The following SLCO1A2 variants were observed in gnomAD, a reference collection of about 807,000 sequenced individuals.
The protein encoded by SLCO1A2 is OATP-1.
A neutral mutation model predicts 69.0 loss-of-function variants in SLCO1A2; 67 were observed. That is an observed-to-expected ratio of 0.97 (90% confidence interval 0.80 to 1.19). The LOEUF is 1.19. Among genes scored for constraint, SLCO1A2 ranks in the 50% most tolerant of loss-of-function variants. The probability of loss-of-function intolerance (pLI) is 0.00; values close to 1 mark genes in which losing one functional copy is unlikely to be tolerated. For synonymous variants in SLCO1A2, 260 were observed against 265.9 expected (o/e 0.98, Z 0.22); for missense variants, 787 against 793.7 (o/e 0.99, Z 0.10).
intron 12 of SLCO1A2, among the ~76,000 whole-genome samples, chr12:21,290,065 A>ATG (rs2136287920): frequency 6.6e-6 from 1 of 151,516 alleles, no homozygotes; most frequent in African/African-American, 2.4e-5. Flanking sequence ...GTATGTACAT[A>ATG]TGTGTGTGTG....
rs781162887 is a variant in SLCO1A2, at chr12:21,378,225, C to T, written c.-189-3700G>A. 4.3e-6 allele frequency: 7 copies of T among 1,613,060 alleles called. No homozygotes were observed. The African/African-American group carries it at 9.3e-5, about 22-fold the overall frequency. On this transcript the variant is annotated intron_variant, in intron 1 of 15. Coordinates refer to the SLCO1A2 transcript ENST00000307378. ...AAGGCTCTAACTTTTCACATTTGTT[C>T]CATGTTACCAGTCATCAGGTGGAAA... is the stretch of plus-strand genomic sequence containing the variant.
At chr12:21,385,994 T>C (rs941865917) in intron 1 of SLCO1A2, among the ~76,000 whole-genome samples, 1 of 152,228 alleles carries the variant, frequency 6.6e-6, no homozygotes, top group African/African-American at 2.4e-5. Context: ...TTCAGAGCTT[T>C]ATTTGATTTC....
intron 1 of SLCO1A2, among the ~76,000 whole-genome samples, chr12:21,382,562 C>A (rs542287246): frequency 6.6e-6 from 1 of 152,042 alleles, no homozygotes; most frequent in South Asian, 2.1e-4. Context: ...CTTTGGGAGG[C>A]CGAGGTGGGC....
At chr12:21,379,946 A>G (rs1306485097) in intron 1 of SLCO1A2, 1 of 152,204 alleles carries the variant, frequency 6.6e-6, no homozygotes, top group African/African-American at 2.4e-5. Context: ...CATGAATTAC[A>G]TATTGAAATA....
chr12:21,316,164 G>A (rs368967438), intron 3 of SLCO1A2, among the ~76,000 whole-genome samples: 3 of 152,088 alleles, frequency 2.0e-5, no homozygotes, highest in Non-Finnish European at 2.9e-5. Flanking sequence ...GCCTTACCAC[G>A]TTCCTTCAGT....
intron 13 of SLCO1A2, 50 bp downstream of exon 13, chr12:21,275,310 T>C (rs368364049): frequency 1.4e-6 from 2 of 1,411,248 alleles, no homozygotes; most frequent in Non-Finnish European, 1.9e-6. Context: ...TAAAAAATAA[T>C]AATAATAATA....
intron 4 of SLCO1A2, among the ~76,000 whole-genome samples, chr12:21,310,899 A>G (rs937371008): frequency 2.0e-5 from 3 of 152,194 alleles, no homozygotes; most frequent in Admixed American, 6.5e-5. Context: ...CACCGCGCCC[A>G]GCCGCACATA....
chr12:21,359,103 C>T (rs192041039), intron 2 of SLCO1A2, among the ~76,000 whole-genome samples: 3 of 152,290 alleles, frequency 2.0e-5, no homozygotes, highest in African/African-American at 7.2e-5. Context: ...CCAGAAAACT[C>T]AGAAGCAAGG....
At chr12:21,405,238 C>G (rs1024530808) in intron 1 of SLCO1A2, among the ~76,000 whole-genome samples, 1 of 152,064 alleles carries the variant, frequency 6.6e-6, no homozygotes, top group Non-Finnish European at 1.5e-5. Flanking sequence ...AATTAGATCT[C>G]ATTTGTCAAT....
At chr12:21,332,792 A>C (rs569497104) in intron 2 of SLCO1A2, among the ~76,000 whole-genome samples, 3 of 152,102 alleles carry the variant, frequency 2.0e-5, no homozygotes, top group Non-Finnish European at 4.4e-5. Flanking sequence ...TTTGTGACCT[A>C]ATCACCTCTC....
Position 21,297,362 on chromosome 12 carries a change from G to A in SLCO1A2, c.1075+42C>T, listed in dbSNP as rs1341424594. ...TACACCCGCCATCACACTGTTCGTG[G>A]GGGGGAAAGTGTGCTAGTAAGGCAG... On this transcript the variant is annotated intron_variant, in intron 9 of 14. Transcript: ENST00000683939. 4.5e-6 allele frequency: 7 copies of A among 1,540,718 alleles called. No homozygotes were observed. In the East Asian group the frequency reaches 1.4e-4, roughly 30 times the overall value.
At chr12:21,417,141 A>G (rs936456425) in intron 1 of SLCO1A2, among the ~76,000 whole-genome samples, 1 of 152,092 alleles carries the variant, frequency 6.6e-6, no homozygotes, top group Admixed American at 6.6e-5. Flanking sequence ...TTGGGAAGAA[A>G]CTAGTGAAAG....
chr12:21,297,639 C>A, intron 8 of SLCO1A2, 71 bp from the exon 9 acceptor site: 1 of 932,798 alleles, frequency 1.1e-6, no homozygotes, highest in Non-Finnish European at 1.6e-6. Flanking sequence ...TTTCCTGAAA[C>A]ATCCACCTCC....
chr12:21,321,161 C>T (rs570342718), intron 2 of SLCO1A2, among the ~76,000 whole-genome samples: 2 of 152,330 alleles, frequency 1.3e-5, no homozygotes, highest in African/African-American at 4.8e-5. Flanking sequence ...ATTGATCTCT[C>T]TTTTCTTCCT....
intron 2 of SLCO1A2, among the ~76,000 whole-genome samples, chr12:21,367,323 C>T (rs1939463865): frequency 1.3e-5 from 2 of 152,116 alleles, no homozygotes; most frequent in Admixed American, 1.3e-4. Flanking sequence ...ATCAAGAAAA[C>T]TAGAACAGTA....
chr12:21,349,450 T>C (rs1937755235), intron 2 of SLCO1A2, among the ~76,000 whole-genome samples: 1 of 152,208 alleles, frequency 6.6e-6, no homozygotes, highest in South Asian at 2.1e-4. Flanking sequence ...CAAGGAGTTC[T>C]GAATAACATA....
At chr12:21,396,274 G>A (rs1236357562), upstream of SLCO1A2, among the ~76,000 whole-genome samples, 25 of 151,394 alleles carry the variant, frequency 1.7e-4, no homozygotes, top group South Asian at 4.2e-4. Flanking sequence ...CGGTATCAGC[G>A]ATGGAAGATG....
chr12:21,300,063 T>C (rs962573485), intron 8 of SLCO1A2, among the ~76,000 whole-genome samples: 17 of 150,428 alleles, frequency 1.1e-4, no homozygotes, highest in African/African-American at 4.1e-4. Flanking sequence ...TACATATATA[T>C]GTGTGTGTAT....
At chr12:21,329,601 G>A (rs1406333999) in intron 2 of SLCO1A2, among the ~76,000 whole-genome samples, 1 of 150,216 alleles carries the variant, frequency 6.7e-6, no homozygotes, top group Non-Finnish European at 1.5e-5. Context: ...TTTATCTTTT[G>A]TAATTGAATG....
Sources: allele counts gnomAD v4.1 joint callset (sites outside exome capture counted in the v4.1 genomes callset), GRCh38; gene constraint gnomAD v4.1.1; transcripts MANE v1.5; gene names NCBI Gene and HGNC (gene_info 2026-07-23, HGNC 2026-07-21).